Variants in MBNL1 observed in about 807,000 individuals in gnomAD.
MBNL1 encodes the protein muscleblind like splicing regulator 1.
Under a neutral mutation model 42.2 loss-of-function variants are expected in MBNL1, and 8 were observed. That is an observed-to-expected ratio of 0.19 (90% CI 0.11 to 0.34). MBNL1 has a LOEUF of 0.34. Ranked by LOEUF, MBNL1 falls within the 10% of genes least tolerant of loss-of-function variation. The pLI, the probability that MBNL1 is intolerant of heterozygous loss-of-function variation, is 1.00. For synonymous variants in MBNL1, 169 were observed against 173.9 expected, an observed-to-expected ratio of 0.97 and a Z score of 0.22; for missense variants, 309 against 495.3, an observed-to-expected ratio of 0.62 and a Z score of 3.57.
Position 152,293,405 on chromosome 3 carries a change from G to A in MBNL1, c.-789-6000G>A, listed in dbSNP as rs1268594314. On this transcript the variant is annotated intron_variant, in intron 1 of 9. Transcript: ENST00000324210. ...TACAGCCTCCAGAAATGCTAAGTTG[G>A]TTGGTTGTATATGGAAATCTCTGTT... 2.0e-5 allele frequency among the ~76,000 whole-genome samples: 3 copies of A among 152,196 alleles called. No individual in the cohort carries two copies. The East Asian group carries it at 5.8e-4, about 29-fold the overall frequency.
intron 1 of MBNL1, among the ~76,000 whole-genome samples, chr3:152,298,083 A>G (rs1211493328): frequency 2.6e-5 from 4 of 152,116 alleles, no homozygotes; most frequent in African/African-American, 9.7e-5. Flanking sequence ...TAAGTTCTAG[A>G]TGTTCGTGTT....
chr3:152,296,507 ATAT>A (rs1427669857), intron 1 of MBNL1, among the ~76,000 whole-genome samples: 1 of 152,200 alleles, frequency 6.6e-6, no homozygotes, highest in African/African-American at 2.4e-5. Context: ...GTGACGCATA[ATAT>A]TATTATCCAC....
intron 1 of MBNL1, among the ~76,000 whole-genome samples, chr3:152,283,489 A>G (rs2049755525): frequency 6.6e-6 from 1 of 152,174 alleles, no homozygotes; most frequent in Non-Finnish European, 1.5e-5. Context: ...TGGCAACTGA[A>G]GCAGAAGCTT....
At chr3:152,257,180 A>G (rs1227082820) in intron 2 of MBNL1, among the ~76,000 whole-genome samples, 1 of 152,202 alleles carries the variant, frequency 6.6e-6, no homozygotes, top group Admixed American at 6.5e-5. Context: ...AAATGCTTGA[A>G]TATCTGCAAT....
intron 2 of MBNL1, among the ~76,000 whole-genome samples, chr3:152,349,198 A>G (rs1016403765): frequency 3.3e-5 from 5 of 152,110 alleles, no homozygotes; most frequent in Non-Finnish European, 7.4e-5. Flanking sequence ...CACACTGTAC[A>G]TGTTTGAAAT....
intron 2 of MBNL1, among the ~76,000 whole-genome samples, chr3:152,376,094 C>T (rs561261383): frequency 5.9e-5 from 9 of 152,076 alleles, no homozygotes; most frequent in African/African-American, 1.2e-4. Context: ...ACTGTCAGGC[C>T]GGTATCATAC....
In MBNL1 at chr3:152,412,475, A is replaced by G. The variant is rs559533441; in HGVS notation, c.175-2466A>G. On this transcript the variant is annotated intron_variant, in intron 2 of 9. Transcript: ENST00000324210. ...ACCAAATATCAGTTGATTCTTAGGA[A>G]CACAGCTTTTTGAAAATGAAGGGCT... 1.8e-4 allele frequency among the ~76,000 whole-genome samples: 27 copies of G among 152,282 alleles called. No homozygotes were observed. In the South Asian group the frequency reaches 5.4e-3, roughly 30 times the overall value.
intron 2 of MBNL1, among the ~76,000 whole-genome samples, chr3:152,254,327 C>G (rs187540854): frequency 1.2e-3 from 185 of 152,254 alleles, no homozygotes; most frequent in African/African-American, 4.2e-3. Context: ...GTGACTGCCA[C>G]TAACTTTTTA....
intron 2 of MBNL1, among the ~76,000 whole-genome samples, chr3:152,348,385 A>AG (rs1322446394): frequency 6.6e-5 from 10 of 152,174 alleles, no homozygotes; most frequent in African/African-American, 2.4e-4. Flanking sequence ...TAAACTCAGT[A>AG]GGTAACACAT....
At chr3:152,297,701 A>G (rs1055033379) in intron 1 of MBNL1, among the ~76,000 whole-genome samples, 2 of 150,618 alleles carry the variant, frequency 1.3e-5, no homozygotes, top group African/African-American at 2.5e-5. Flanking sequence ...CTGTCACCCA[A>G]GCTGGAGTGC....
chr3:152,310,355 A>G (rs1184415322), intron 2 of MBNL1, among the ~76,000 whole-genome samples: 1 of 152,234 alleles, frequency 6.6e-6, no homozygotes, highest in African/African-American at 2.4e-5. Flanking sequence ...ATTAACCCTT[A>G]CGAGGTTACA....
chr3:152,316,120 A>G (rs1217082047), intron 2 of MBNL1, among the ~76,000 whole-genome samples: 1 of 152,194 alleles, frequency 6.6e-6, no homozygotes, highest in Admixed American at 6.5e-5. Flanking sequence ...CTGTATTAAT[A>G]CCTTTCAGGG....
chr3:152,256,725 TTTTTAAA>T (rs1475350208), intron 2 of MBNL1, among the ~76,000 whole-genome samples: 3 of 152,220 alleles, frequency 2.0e-5, no homozygotes, highest in Admixed American at 6.5e-5. Context: ...GAAAAGACTC[TTTTTAAA>T]TTGAGTAAAC....
At chr3:152,379,305 T>G (rs1314156029) in intron 2 of MBNL1, among the ~76,000 whole-genome samples, 1 of 152,216 alleles carries the variant, frequency 6.6e-6, no homozygotes, top group African/African-American at 2.4e-5. Flanking sequence ...CAGAGTTTTC[T>G]GTCAACCAAT....
At chr3:152,364,335 A>C (rs1293447869) in intron 2 of MBNL1, among the ~76,000 whole-genome samples, 1 of 152,130 alleles carries the variant, frequency 6.6e-6, no homozygotes, top group Non-Finnish European at 1.5e-5. Flanking sequence ...TATCAGCAAG[A>C]GATCACTTAC....
chr3:152,246,438 G>A (rs1290771656), intron 2 of MBNL1, among the ~76,000 whole-genome samples: 4 of 151,772 alleles, frequency 2.6e-5, no homozygotes, highest in Non-Finnish European at 4.4e-5. Context: ...TTTTTAAGTT[G>A]TTCTCTCTTT....
intron 2 of MBNL1, among the ~76,000 whole-genome samples, chr3:152,408,037 G>A (rs947564542): frequency 2.6e-5 from 4 of 152,126 alleles, no homozygotes; most frequent in Non-Finnish European, 5.9e-5. Context: ...AGTGCATGCT[G>A]GGGTTAATAC....
intron 2 of MBNL1, among the ~76,000 whole-genome samples, chr3:152,367,859 C>T (rs376189612): frequency 6.6e-6 from 1 of 151,906 alleles, no homozygotes; most frequent in African/African-American, 2.4e-5. Context: ...ATCCTTTGCC[C>T]ACTTTTTGAT....
chr3:152,332,692 TTGTGTGTGTGTGTGTGTGTGTG>T (rs71144115), intron 2 of MBNL1, among the ~76,000 whole-genome samples: 3 of 132,924 alleles, frequency 2.3e-5, no homozygotes, highest in Non-Finnish European at 3.2e-5. Flanking sequence ...TTTCATGGTT[TTGTGTGTGTGTGTGTGTGTGTG>T]TGTGTGTGTG....
Sources: gnomAD v4.1 joint callset for allele counts (sites outside exome capture counted in the v4.1 genomes callset) on GRCh38, gnomAD v4.1.1 for gene constraint, MANE v1.5 for transcripts, NCBI Gene and HGNC (gene_info 2026-07-23, HGNC 2026-07-21) for gene names.